PRKCB: variants seen among roughly 807,000 people sequenced by gnomAD.
PRKCB encodes the protein protein kinase C beta type.
Under a neutral mutation model 81.5 loss-of-function variants are expected in PRKCB, and 13 were observed. The observed-to-expected ratio is 0.16, with a 90% CI of 0.10 to 0.25. The LOEUF is 0.25. PRKCB is among the 10% of genes least tolerant of loss of function. The pLI, the probability that PRKCB is intolerant of heterozygous loss-of-function variation, is 1.00. For synonymous variants in PRKCB, 335 were observed against 321.4 expected (o/e 1.04, Z -0.45); for missense variants, 509 against 875.7 (o/e 0.58, Z 5.29).
Position 23,883,510 on chromosome 16 carries a change from G to C in PRKCB, c.205+46104G>C, listed in dbSNP as rs72777965. Among the ~76,000 whole-genome samples the C allele has an allele frequency of 1.9e-3, 284 of 152,318 alleles. 1 individual carries two copies. Among genetic ancestry groups the C allele is most frequent in the Non-Finnish European group, 3.5e-3 (236 of 68,020 alleles). Reference sequence around the variant, plus strand: ...CTGGAGAGTTTTAGGTAGGCGAGATGCAAAGGATCAGATTTGTATTTAACA... The same window carrying C: ...CTGGAGAGTTTTAGGTAGGCGAGATCCAAAGGATCAGATTTGTATTTAACA... On this transcript the variant is annotated intron_variant, in intron 2 of 16. Coordinates refer to ENST00000643927, the MANE Select transcript of PRKCB (RefSeq NM_002738.7).
intron 2 of PRKCB, among the ~76,000 whole-genome samples, chr16:23,911,374 C>T (rs1326578872): frequency 6.6e-6 from 1 of 151,742 alleles, no homozygotes; most frequent in Non-Finnish European, 1.5e-5. Flanking sequence ...GTGATCCACC[C>T]ACCTCGGCCT....
At chr16:24,038,194 C>T (rs1326146556) in intron 5 of PRKCB, among the ~76,000 whole-genome samples, 2 of 151,792 alleles carry the variant, frequency 1.3e-5, no homozygotes, top group African/African-American at 4.8e-5. Context: ...AAAACAAAAA[C>T]AAGAAAAACA....
chr16:24,126,493 A>G (rs906692048), intron 9 of PRKCB, among the ~76,000 whole-genome samples: 15 of 152,146 alleles, frequency 9.9e-5, no homozygotes, highest in African/African-American at 3.4e-4. Flanking sequence ...GGACTCAAGC[A>G]GTCCAGCTCC....
At chr16:23,924,410 T>C (rs565374394) in intron 2 of PRKCB, among the ~76,000 whole-genome samples, 6 of 152,032 alleles carry the variant, frequency 3.9e-5, no homozygotes, top group Non-Finnish European at 7.4e-5. Flanking sequence ...CATGCCTAAC[T>C]TCAAAGCGGC....
At chr16:23,861,857 C>T (rs1019911377) in intron 2 of PRKCB, among the ~76,000 whole-genome samples, 1 of 152,186 alleles carries the variant, frequency 6.6e-6, no homozygotes, top group African/African-American at 2.4e-5. Context: ...CCCCTGAATT[C>T]ACTAATCTTG....
chr16:23,905,627 A>C (rs979884332), intron 2 of PRKCB, among the ~76,000 whole-genome samples: 1 of 152,238 alleles, frequency 6.6e-6, no homozygotes, highest in Non-Finnish European at 1.5e-5. Context: ...AGAGTCTCCT[A>C]GAACCAGTTT....
intron 2 of PRKCB, among the ~76,000 whole-genome samples, chr16:23,982,561 C>T (rs1030777523): frequency 6.6e-6 from 1 of 151,918 alleles, no homozygotes; most frequent in African/African-American, 2.4e-5. Context: ...TCCCAAGTAG[C>T]TGGGACCACA....
chr16:23,910,511 T>C (rs1468101162), intron 2 of PRKCB, among the ~76,000 whole-genome samples: 1 of 152,194 alleles, frequency 6.6e-6, no homozygotes, highest in East Asian at 1.9e-4. Context: ...AGAGCAGGTC[T>C]CAGGCTCGGG....
intron 5 of PRKCB, among the ~76,000 whole-genome samples, chr16:24,056,785 C>T (rs1372461319): frequency 6.6e-6 from 1 of 152,154 alleles, no homozygotes; most frequent in African/African-American, 2.4e-5. Flanking sequence ...AAGTGGATGC[C>T]AGCACCATGC....
intron 15 of PRKCB, among the ~76,000 whole-genome samples, chr16:24,188,969 C>T (rs977982134): frequency 2.6e-5 from 4 of 152,268 alleles, no homozygotes; most frequent in South Asian, 4.1e-4. Flanking sequence ...ACACGGAAGC[C>T]GTTATTGATG....
chr16:23,893,731 G>T (rs1028870570), intron 2 of PRKCB: 2 of 152,034 alleles, frequency 1.3e-5, no homozygotes, highest in Non-Finnish European at 2.9e-5. Context: ...ACATTTTACT[G>T]TACCAAATCT....
At chr16:24,040,823 A>T (rs943227618) in intron 5 of PRKCB, among the ~76,000 whole-genome samples, 1 of 152,192 alleles carries the variant, frequency 6.6e-6, no homozygotes, top group African/African-American at 2.4e-5. Flanking sequence ...GTCCAACGTC[A>T]ACAGCAAATG....
chr16:24,035,474 C>T lies in PRKCB; in HGVS notation c.456C>T (p.Gly152=). The stretch of plus-strand genomic sequence containing the variant: ...TGATGAATGTTCCCAGCCTGTGTGG[C>T]ACGGACCACACGGAGCGCCGCGGCC... The part of the protein sequence containing the change: ...RCVMNVPSLC[G]TDHTERRGRI... The change falls in exon 5 of 17, where the codon GGC becomes GGT. Residue 152 remains glycine, a synonymous_variant. Transcript: ENST00000643927. 6.2e-7 allele frequency: 1 copy of T among 1,614,158 alleles called. No homozygotes were observed. Among genetic ancestry groups the T allele is most frequent in the Non-Finnish European group, 8.5e-7 (1 of 1,180,008 alleles).
chr16:23,964,301 C>T (rs937048103), intron 2 of PRKCB, among the ~76,000 whole-genome samples: 1 of 152,188 alleles, frequency 6.6e-6, no homozygotes, highest in Non-Finnish European at 1.5e-5. Context: ...CTTGTGGATC[C>T]ATGGACTGAA....
chr16:24,085,307 G>A (rs1034987027), intron 5 of PRKCB, among the ~76,000 whole-genome samples: 3 of 152,136 alleles, frequency 2.0e-5, no homozygotes, highest in African/African-American at 7.2e-5. Flanking sequence ...TTGACTTCAC[G>A]TCGTCTATTA....
At chr16:23,911,906 A>G (rs1377695291) in intron 2 of PRKCB, among the ~76,000 whole-genome samples, 1 of 137,746 alleles carries the variant, frequency 7.3e-6, no homozygotes, top group African/African-American at 2.8e-5. Flanking sequence ...ATCTCGGCTC[A>G]CTGCAACCTC....
chr16:24,083,456 T>C (rs186091496), intron 5 of PRKCB, among the ~76,000 whole-genome samples: 30 of 152,304 alleles, frequency 2.0e-4, no homozygotes, highest in Non-Finnish European at 4.0e-4. Flanking sequence ...GTTGAATAGA[T>C]AAACCTTGAT....
At chr16:23,996,706 A>C (rs1017951289) in intron 3 of PRKCB, among the ~76,000 whole-genome samples, 4 of 152,228 alleles carry the variant, frequency 2.6e-5, no homozygotes, top group African/African-American at 9.6e-5. Context: ...AAATCACTTC[A>C]AAGCCAAAGA....
intron 2 of PRKCB, among the ~76,000 whole-genome samples, chr16:23,866,222 A>G (rs1567294722): frequency 6.6e-6 from 1 of 152,166 alleles, no homozygotes; most frequent in East Asian, 1.9e-4. Context: ...TAAAGAGAAA[A>G]CATCAGGGGA....
Sources: allele counts gnomAD v4.1 joint callset (sites outside exome capture counted in the v4.1 genomes callset), GRCh38; gene constraint gnomAD v4.1.1; transcripts MANE v1.5; gene names NCBI Gene and HGNC (gene_info 2026-07-23, HGNC 2026-07-21).